Variants in CDH20 observed in about 807,000 individuals in gnomAD.
The protein encoded by CDH20 is cadherin 20, also known as cadherin-20.
A neutral mutation model predicts 74.2 loss-of-function variants in CDH20; 29 were observed. The observed-to-expected ratio is 0.39, with a 90% confidence interval of 0.29 to 0.53. The LOEUF (loss-of-function observed/expected upper bound fraction) is 0.53, where lower values mean the gene tolerates loss of function less well. Ranked by LOEUF, CDH20 falls within the 20% of genes least tolerant of loss-of-function variation. The probability of loss-of-function intolerance (pLI) is 0.69; values close to 1 mark genes in which losing one functional copy is unlikely to be tolerated. For synonymous variants in CDH20, 469 were observed against 405.4 expected (o/e 1.16, Z -1.88); for missense variants, 988 against 1,048.3 (o/e 0.94, Z 0.79).
intron 1 of CDH20, among the ~76,000 whole-genome samples, chr18:61,357,485 A>G (rs1014222850): frequency 9.2e-5 from 14 of 152,194 alleles, no homozygotes; most frequent in Middle Eastern, 3.2e-3. Context: ...GCCAAATTCT[A>G]TCTGGATTTT....
rs532384056 is a variant in CDH20 at position 61,555,598 on chromosome 18, G to A, written c.*903G>A. 3.0e-6 allele frequency: 3 copies of A among 984,936 alleles called. No individual in the cohort carries two copies. The African/African-American group carries it at 5.2e-5, about 17-fold the overall frequency. 61.0% of individuals were successfully genotyped at this position (984,936 alleles called of 1,614,324 possible). A position where few individuals can be genotyped will look rare whatever the true frequency, so the allele number is the denominator to read the frequency against. On this transcript the variant is annotated 3_prime_UTR_variant, in exon 12 of 12. Coordinates refer to ENST00000262717, the MANE Select transcript of CDH20 (RefSeq NM_031891.4). Reference sequence around the variant, plus strand: ...CCTAATCTGTGTGAGGTCAATCCAAGGGATGTTTACATACTGTAGATAACC... The same window carrying A: ...CCTAATCTGTGTGAGGTCAATCCAAAGGATGTTTACATACTGTAGATAACC...
In CDH20 at chr18:61,554,675, G is replaced by T; in HGVS notation, c.2386G>T (p.Gly796Ter). The T allele has an allele frequency of 6.3e-7, 1 of 1,578,544 alleles. No individual in the cohort carries two copies. The highest frequency in any genetic ancestry group is 8.6e-7 in the Non-Finnish European group (1 of 1,161,680). ...KLAELYGASE[G>*]PAPLW Reference sequence around the variant, plus strand: ...GGCCGAGCTCTACGGGGCGTCGGAGGGACCCGCGCCGCTGTGGTGACGGAA... The same window carrying T: ...GGCCGAGCTCTACGGGGCGTCGGAGTGACCCGCGCCGCTGTGGTGACGGAA... The change falls in exon 12 of 12, where the codon GGA becomes TGA. Residue 796 changes from glycine to a stop codon, truncating the protein, a stop_gained. Coordinates refer to ENST00000262717, the MANE Select transcript of CDH20 (RefSeq NM_031891.4). LOFTEE classifies it high-confidence loss of function.
At chr18:61,522,067 A>G (rs1001527296) in intron 6 of CDH20, among the ~76,000 whole-genome samples, 1 of 152,200 alleles carries the variant, frequency 6.6e-6, no homozygotes, top group African/African-American at 2.4e-5. Context: ...AGTTTTGGCC[A>G]GGGCAATTGG....
chr18:61,423,767 T>G (rs906400658), intron 1 of CDH20, among the ~76,000 whole-genome samples: 3 of 152,190 alleles, frequency 2.0e-5, no homozygotes, highest in Admixed American at 2.0e-4. Flanking sequence ...GAAAATTATT[T>G]TATTCAATAT....
chr18:61,489,394 C>T (rs112371615), intron 1 of CDH20, among the ~76,000 whole-genome samples: 1 of 151,882 alleles, frequency 6.6e-6, no homozygotes, highest in Non-Finnish European at 1.5e-5. Flanking sequence ...AGCAGTTCTT[C>T]GAATTAACAG....
chr18:61,398,949 G>A (rs1239008483), intron 1 of CDH20, among the ~76,000 whole-genome samples: 1 of 152,154 alleles, frequency 6.6e-6, no homozygotes, highest in Non-Finnish European at 1.5e-5. Context: ...TTGATCCCAC[G>A]ATGAAGGGAA....
chr18:61,413,915 T>C (rs1349504584), intron 1 of CDH20, among the ~76,000 whole-genome samples: 3 of 152,150 alleles, frequency 2.0e-5, no homozygotes, highest in Non-Finnish European at 2.9e-5. Flanking sequence ...CTTAATATAA[T>C]GCAGTATGCA....
chr18:61,438,323 G>A (rs928416532), intron 1 of CDH20, among the ~76,000 whole-genome samples: 3 of 152,134 alleles, frequency 2.0e-5, no homozygotes, highest in African/African-American at 7.2e-5. Flanking sequence ...AGGAAAAAGA[G>A]AGGAGTTAAT....
intron 1 of CDH20, among the ~76,000 whole-genome samples, chr18:61,475,742 ACTGAAC>A (rs1358158825): frequency 1.3e-5 from 2 of 152,224 alleles, no homozygotes; most frequent in Non-Finnish European, 2.9e-5. Context: ...TCCACTAAGT[ACTGAAC>A]CATCAGGATG....
chr18:61,476,085 C>T (rs1910371099), intron 1 of CDH20, among the ~76,000 whole-genome samples: 1 of 152,080 alleles, frequency 6.6e-6, no homozygotes, highest in South Asian at 2.1e-4. Context: ...ACAATATTAT[C>T]TCCCACCCCG....
At chr18:61,398,226 C>T (rs1467747967) in intron 1 of CDH20, among the ~76,000 whole-genome samples, 1 of 152,200 alleles carries the variant, frequency 6.6e-6, no homozygotes, top group Non-Finnish European at 1.5e-5. Context: ...ACGAATCATA[C>T]ATAGTACATG....
At chr18:61,478,536 G>GTA (rs1485522775) in intron 1 of CDH20, among the ~76,000 whole-genome samples, 1 of 152,050 alleles carries the variant, frequency 6.6e-6, no homozygotes, top group African/African-American at 2.4e-5. Context: ...TATAAAAATA[G>GTA]TATTCACCTG....
intron 1 of CDH20, among the ~76,000 whole-genome samples, chr18:61,356,743 G>A (rs1426749831): frequency 6.6e-6 from 1 of 152,016 alleles, no homozygotes; most frequent in Non-Finnish European, 1.5e-5. Context: ...ATGATCCCTA[G>A]CAAAGGAAAC....
intron 6 of CDH20, among the ~76,000 whole-genome samples, chr18:61,527,381 A>AGATAGATAGATAGAT (rs1555683362): frequency 2.0e-5 from 3 of 150,558 alleles, no homozygotes; most frequent in East Asian, 1.9e-4. Flanking sequence ...ATAGATAGAT[A>AGATAGATAGATAGAT]GATAGATAGA....
intron 1 of CDH20, among the ~76,000 whole-genome samples, chr18:61,465,933 G>C (rs953122275): frequency 6.6e-6 from 1 of 152,026 alleles, no homozygotes; most frequent in South Asian, 2.1e-4. Flanking sequence ...GGTGATATAG[G>C]CCCGTAGTCT....
At chr18:61,532,532 GTATATATA>G (rs34829043) in intron 7 of CDH20, among the ~76,000 whole-genome samples, 156 of 145,514 alleles carry the variant, frequency 1.1e-3, no homozygotes, top group Middle Eastern at 3.6e-3. Context: ...TGTATTGTAT[GTATATATA>G]TATATATATA....
chr18:61,339,770 C>T (rs1451589475), intron 1 of CDH20, among the ~76,000 whole-genome samples: 2 of 142,328 alleles, frequency 1.4e-5, no homozygotes, highest in African/African-American at 5.2e-5. Context: ...TCACTGCAAG[C>T]TCCGCCTCCT....
chr18:61,353,394 A>G lies in CDH20; in HGVS notation c.-153+19567A>G, dbSNP rs139441287. On this transcript the variant is annotated intron_variant, in intron 1 of 11. Coordinates refer to ENST00000262717, the MANE Select transcript of CDH20 (RefSeq NM_031891.4). This position sits in a 1 kb window ranked among gnomAD's most constrained non-coding sequence, Gnocchi z 4.6. Reference sequence around the variant, plus strand: ...TCACCTCTCCACAAAAGCCTTCTCAATTTTATGGGTCAATAGTTACTTCTT... The same window carrying G: ...TCACCTCTCCACAAAAGCCTTCTCAGTTTTATGGGTCAATAGTTACTTCTT... Among the ~76,000 whole-genome samples, 130 of 152,264 alleles carry G rather than the reference A, an allele frequency of 8.5e-4. 1 individual carries two copies. The highest frequency in any genetic ancestry group is 3.0e-3 in the African/African-American group (123 of 41,534).
chr18:61,470,467 G>A (rs559048082), intron 1 of CDH20, among the ~76,000 whole-genome samples: 58 of 152,318 alleles, frequency 3.8e-4, no homozygotes, highest in Non-Finnish European at 5.6e-4. Flanking sequence ...CGTTGGTGCG[G>A]AATGACACGC....
Sources: gnomAD v4.1 joint callset for allele counts (sites outside exome capture counted in the v4.1 genomes callset) on GRCh38, gnomAD v4.1.1 for gene constraint, Gnocchi (gnomAD v3.1) non-coding constraint, MANE v1.5 for transcripts, NCBI Gene and HGNC (gene_info 2026-07-23, HGNC 2026-07-21) for gene names.